The following SPIDR variants were observed in gnomAD, a reference collection of about 807,000 sequenced individuals.
SPIDR encodes the protein scaffold protein involved in DNA repair, also known as DNA repair-scaffolding protein.
SPIDR carries 93 observed loss-of-function variants against 104.6 expected under a neutral mutation model. The ratio of observed to expected loss-of-function variants is 0.89; its 90% confidence interval spans 0.75 to 1.06. The LOEUF is 1.06. SPIDR is among the 50% of genes least tolerant of loss of function. SPIDR has a pLI of 0.00. For synonymous variants in SPIDR, 431 were observed against 416.9 expected, an observed-to-expected ratio of 1.03 and a Z score of -0.41; for missense variants, 1,154 against 1,111.2, an observed-to-expected ratio of 1.04 and a Z score of -0.55.
chr8:47,399,220 A>G (rs1554660688), intron 6 of SPIDR, among the ~76,000 whole-genome samples: 1 of 152,152 alleles, frequency 6.6e-6, no homozygotes, highest in East Asian at 1.9e-4. Context: ...GGAGGGGACA[A>G]CTGATGGAGT....
chr8:47,305,340 A>G (rs995889022), intron 5 of SPIDR, among the ~76,000 whole-genome samples: 10 of 152,360 alleles, frequency 6.6e-5, no homozygotes, highest in Middle Eastern at 3.4e-3. Flanking sequence ...TGAGAAGGTA[A>G]ACAACAAGCT....
At chr8:47,556,187 T>A (rs149580663) in intron 8 of SPIDR, among the ~76,000 whole-genome samples, 54 of 152,292 alleles carry the variant, frequency 3.5e-4, no homozygotes, top group Admixed American at 5.2e-4. Flanking sequence ...GTCTCAAGCA[T>A]AGAACCACAA....
At chr8:47,433,357 C>A (rs144775216) in intron 7 of SPIDR, among the ~76,000 whole-genome samples, 1 of 152,336 alleles carries the variant, frequency 6.6e-6, no homozygotes, top group South Asian at 2.1e-4. Context: ...TCCCTGCTGG[C>A]TTCCCATCAC....
intron 10 of SPIDR, among the ~76,000 whole-genome samples, chr8:47,671,740 C>G (rs554019483): frequency 6.6e-6 from 1 of 152,118 alleles, no homozygotes; most frequent in African/African-American, 2.4e-5. Flanking sequence ...TGGCGTCATT[C>G]ATTGCTCTTT....
At chr8:47,424,884 C>G (rs896280251) in intron 7 of SPIDR, among the ~76,000 whole-genome samples, 1 of 152,140 alleles carries the variant, frequency 6.6e-6, no homozygotes, top group South Asian at 2.1e-4. Flanking sequence ...GCGCCTGCCA[C>G]CACCCCTGGG....
intron 8 of SPIDR, among the ~76,000 whole-genome samples, chr8:47,496,977 T>G (rs1446020667): frequency 6.6e-6 from 1 of 152,110 alleles, no homozygotes; most frequent in African/African-American, 2.4e-5. Flanking sequence ...TTTTCTCATT[T>G]GTTGGCTTAC....
At chr8:47,646,988 A>G (rs2070489189) in intron 10 of SPIDR, among the ~76,000 whole-genome samples, 1 of 152,174 alleles carries the variant, frequency 6.6e-6, no homozygotes, top group Admixed American at 6.5e-5. Context: ...AACAAAAACT[A>G]CACATAAACG....
intron 6 of SPIDR, among the ~76,000 whole-genome samples, chr8:47,404,738 C>G (rs1220228454): frequency 6.6e-6 from 1 of 152,184 alleles, no homozygotes; most frequent in African/African-American, 2.4e-5. Flanking sequence ...AATAGGAACA[C>G]TTTTACACTG....
intron 8 of SPIDR, among the ~76,000 whole-genome samples, chr8:47,569,541 T>A (rs933736222): frequency 7.9e-5 from 12 of 152,174 alleles, no homozygotes; most frequent in African/African-American, 2.9e-4. Context: ...TAAGTTAAAA[T>A]ATTCAGGTCT....
intron 5 of SPIDR, among the ~76,000 whole-genome samples, chr8:47,305,761 C>T (rs1389134928): frequency 6.6e-6 from 1 of 152,070 alleles, no homozygotes; most frequent in African/African-American, 2.4e-5. Flanking sequence ...ATTGTTAATG[C>T]CTAAGAACTG....
intron 7 of SPIDR, among the ~76,000 whole-genome samples, chr8:47,417,895 TC>T (rs200351974): frequency 0.046 from 7,050 of 152,238 alleles, 534 homozygotes; most frequent in African/African-American, 0.16. Context: ...TTTCCCCATT[TC>T]TTGTTTTTGT....
At chr8:47,345,699 C>T (rs1554617468) in intron 5 of SPIDR, among the ~76,000 whole-genome samples, 1 of 152,108 alleles carries the variant, frequency 6.6e-6, no homozygotes, top group African/African-American at 2.4e-5. Context: ...AGTTGGATTG[C>T]TAGGTATTTT....
intron 5 of SPIDR, among the ~76,000 whole-genome samples, chr8:47,337,795 A>G (rs576561327): frequency 2.0e-5 from 3 of 152,234 alleles, no homozygotes; most frequent in South Asian, 2.1e-4. Flanking sequence ...ATTACTTTGC[A>G]TGTGAATATT....
At chr8:47,393,260 T>A (rs1397618092) in intron 5 of SPIDR, among the ~76,000 whole-genome samples, 1 of 152,220 alleles carries the variant, frequency 6.6e-6, no homozygotes, top group African/African-American at 2.4e-5. Context: ...TCCTCAAGTG[T>A]TATTGCATCC....
At chr8:47,641,505 A>G (rs2068995805) in intron 10 of SPIDR, among the ~76,000 whole-genome samples, 1 of 152,248 alleles carries the variant, frequency 6.6e-6, no homozygotes, top group Non-Finnish European at 1.5e-5. Context: ...TATAGATGAG[A>G]CGTTTTAAAA....
intron 10 of SPIDR, among the ~76,000 whole-genome samples, chr8:47,656,274 A>C (rs1019337358): frequency 6.6e-6 from 1 of 152,220 alleles, no homozygotes; most frequent in Admixed American, 6.5e-5. Context: ...CTAGTCTGAT[A>C]GGGGACTTGT....
chr8:47,261,018 C>T (rs1186440915), intron 1 of SPIDR, 27 bp downstream of exon 1: 5 of 1,226,966 alleles, frequency 4.1e-6, no homozygotes, highest in Non-Finnish European at 5.1e-6. Context: ...GAGTGGGCGC[C>T]GCGCCGTTTC....
chr8:47,275,739 C>T (rs1296691102), intron 1 of SPIDR, among the ~76,000 whole-genome samples: 1 of 152,178 alleles, frequency 6.6e-6, no homozygotes, highest in Non-Finnish European at 1.5e-5. Context: ...CTGGGTACCC[C>T]ATACGTAATT....
intron 8 of SPIDR, among the ~76,000 whole-genome samples, chr8:47,520,038 G>A (rs2083807690): frequency 6.6e-6 from 1 of 152,150 alleles, no homozygotes; most frequent in African/African-American, 2.4e-5. Flanking sequence ...CCTGTGGGAG[G>A]AAAGGGGTTA....
Sources: gnomAD v4.1 joint callset for allele counts (sites outside exome capture counted in the v4.1 genomes callset) on GRCh38, gnomAD v4.1.1 for gene constraint, MANE v1.5 for transcripts, NCBI Gene and HGNC (gene_info 2026-07-23, HGNC 2026-07-21) for gene names.